EML1: variants seen among roughly 807,000 people sequenced by gnomAD.
The protein encoded by EML1 is EMAP like 1.
In EML1, 27 loss-of-function variants were observed where a neutral mutation model predicts 110.4. The observed-to-expected ratio is 0.24, with a 90% CI of 0.18 to 0.34. The LOEUF (loss-of-function observed/expected upper bound fraction) is 0.34, where lower values mean the gene tolerates loss of function less well. Ranked by LOEUF, EML1 falls within the 10% of genes least tolerant of loss-of-function variation. The pLI, the probability that EML1 is intolerant of heterozygous loss-of-function variation, is 1.00. For missense variants in EML1, 741 were observed against 1,030.9 expected, an observed-to-expected ratio of 0.72 and a Z score of 3.85; for synonymous variants, 344 against 385.8, an observed-to-expected ratio of 0.89 and a Z score of 1.27.
Position 99,855,660 on chromosome 14 carries a change from C to T in EML1, c.250+4625C>T, listed in dbSNP as rs184443294. On this transcript the variant is annotated intron_variant, in intron 2 of 21. Coordinates refer to ENST00000262233, the MANE Select transcript of EML1 (RefSeq NM_004434.3). ...TGCTTGTTTGTTCAGACTAGTTAGGCAGCTTCCCTTTTAAAGTACTTTAAT... is the reference window on the plus strand; with the variant it reads ...TGCTTGTTTGTTCAGACTAGTTAGGTAGCTTCCCTTTTAAAGTACTTTAAT... Among the ~76,000 whole-genome samples the T allele has an allele frequency of 5.3e-5, 8 of 152,326 alleles. No homozygotes were observed. In the East Asian group the frequency reaches 1.5e-3, roughly 29 times the overall value.
intron 10 of EML1, 53 bp downstream of exon 10, chr14:99,907,786 G>A (rs909619128): frequency 5.2e-5 from 82 of 1,571,224 alleles, no homozygotes; most frequent in South Asian, 7.8e-5. Context: ...ATTCAGAGCC[G>A]CCCTGGCATA....
At chr14:99,805,478 C>G (rs2057954321) in intron 1 of EML1, among the ~76,000 whole-genome samples, 1 of 152,004 alleles carries the variant, frequency 6.6e-6, no homozygotes, top group South Asian at 2.1e-4. Context: ...TCTTCTTCTT[C>G]TTTTTTAAAT....
rs1301884385 is a variant in EML1 at position 99,936,586 on chromosome 14, A to G, written c.2095+252A>G. The stretch of plus-strand genomic sequence containing the variant: ...GCCTGCCCCAAGGGGAAGAAGGCCA[A>G]GCCCTGCAGAGGGGGGCTTGGGGCA... On this transcript the variant is annotated intron_variant, in intron 19 of 21. Transcript: ENST00000262233. This position sits in a 1 kb window ranked among gnomAD's most constrained non-coding sequence, Gnocchi z 5.5. Among the ~76,000 whole-genome samples, 2 of 152,154 alleles carry G rather than the reference A, an allele frequency of 1.3e-5. No individual in the cohort carries two copies. The highest frequency in any genetic ancestry group is 2.9e-5 in the Non-Finnish European group (2 of 68,012).
chr14:99,909,296 T>TA, intron 10 of EML1, 49 bp from the exon 11 acceptor site: 4 of 1,613,856 alleles, frequency 2.5e-6, no homozygotes, highest in Non-Finnish European at 3.4e-6. Flanking sequence ...ACATGTCTCT[T>TA]ACGCGTCTTA....
chr14:99,866,485 G>A (rs1032071196), intron 3 of EML1, among the ~76,000 whole-genome samples: 13 of 145,698 alleles, frequency 8.9e-5, no homozygotes, highest in Admixed American at 3.6e-4. Flanking sequence ...CAGGAGAATC[G>A]CTTGAACCTG....
chr14:99,827,557 TAG>T lies in EML1; in HGVS notation c.68-23293_68-23292del, dbSNP rs2058381044. ...CTCAGAGCATGACTATACTTGGAAA[TAG>T]AGTCTTTAAAGAGGTGATTAAGTTA... On this transcript the variant is annotated intron_variant, in intron 1 of 21. Transcript: ENST00000262233. The surrounding 1 kb of genome is among the most constrained non-coding windows in gnomAD (Gnocchi z 4.4). Among the ~76,000 whole-genome samples the T allele has an allele frequency of 1.3e-5, 2 of 151,964 alleles. No homozygotes were observed. Among genetic ancestry groups the T allele is most frequent in the African/African-American group, 4.8e-5 (2 of 41,446 alleles).
At chr14:99,885,964 A>G in intron 4 of EML1, 1 of 445,838 alleles carries the variant, frequency 2.2e-6, no homozygotes. Context: ...TCCTTCCACC[A>G]TGTTAAGCTG....
chr14:99,799,894 A>G lies in EML1; in HGVS notation c.67+6351A>G, dbSNP rs74781038. Among the ~76,000 whole-genome samples the G allele has an allele frequency of 3.1e-3, 466 of 152,356 alleles. 12 individuals carry two copies. In the East Asian group the frequency reaches 0.07, roughly 23 times the overall value. On this transcript the variant is annotated intron_variant, in intron 1 of 21. Transcript: ENST00000262233. ...AACCTTCATCATGGATAACATTGAAAACGGAACATGAAAGCATTGCTCTCT... is the reference window on the plus strand; with the variant it reads ...AACCTTCATCATGGATAACATTGAAGACGGAACATGAAAGCATTGCTCTCT...
At chr14:99,877,968 C>G (rs1003748544) in intron 3 of EML1, among the ~76,000 whole-genome samples, 5 of 152,188 alleles carry the variant, frequency 3.3e-5, no homozygotes, top group African/African-American at 1.2e-4. Flanking sequence ...ACCCATGGGC[C>G]CATGGGCCTT....
chr14:99,830,555 T>A (rs1199349889), intron 1 of EML1, among the ~76,000 whole-genome samples: 1 of 152,062 alleles, frequency 6.6e-6, no homozygotes, highest in Admixed American at 6.5e-5. Flanking sequence ...CCTTTTTGTT[T>A]TTTTTGTTTT....
intron 1 of EML1, among the ~76,000 whole-genome samples, chr14:99,845,063 T>C (rs377442218): frequency 4.6e-5 from 7 of 152,252 alleles, no homozygotes; most frequent in Non-Finnish European, 1.0e-4. Context: ...ATTGGAAATA[T>C]GTGTTTATAA....
rs528131059 is a variant in EML1, at chr14:99,882,907, G to A, written c.518+4288G>A. ...TTTTGTGTTGTGCCCCCTCAACCCC[G>A]GGATCAGACAGCCCCGTAGTACAGC... On this transcript the variant is annotated intron_variant, in intron 4 of 21. Transcript: ENST00000262233. 6.5e-4 allele frequency among the ~76,000 whole-genome samples: 99 copies of A among 152,132 alleles called. 1 individual carries two copies. Among genetic ancestry groups the A allele is most frequent in the Non-Finnish European group, 1.2e-3 (79 of 68,004 alleles).
intron 1 of EML1, among the ~76,000 whole-genome samples, chr14:99,750,670 G>A (rs1425256402): frequency 6.6e-6 from 1 of 152,194 alleles, no homozygotes; most frequent in Non-Finnish European, 1.5e-5. Context: ...CTGAAAAGCA[G>A]AGCTTCTATT....
At chr14:99,872,597 T>G (rs1420170915) in intron 3 of EML1, among the ~76,000 whole-genome samples, 1 of 152,224 alleles carries the variant, frequency 6.6e-6, no homozygotes, top group Non-Finnish European at 1.5e-5. Flanking sequence ...TCATGTATTT[T>G]GGTTCGTTTC....
At chr14:99,823,050 A>G (rs2058290441) in intron 1 of EML1, among the ~76,000 whole-genome samples, 1 of 152,062 alleles carries the variant, frequency 6.6e-6, no homozygotes, top group Non-Finnish European at 1.5e-5. Flanking sequence ...GCCGGGCCCT[A>G]CAGAGCCATC....
At chr14:99,910,381 ATGT>A in intron 12 of EML1, 40 bp downstream of exon 12, 2 of 1,481,690 alleles carry the variant, frequency 1.3e-6, no homozygotes, top group South Asian at 1.2e-5. Flanking sequence ...GTTTTTGGTA[ATGT>A]TGTAAGAGAT....
chr14:99,905,203 T>C lies in EML1; in HGVS notation c.1009-2435T>C, dbSNP rs547185175. Reference sequence around the variant, plus strand: ...CAAGCCACATCATAAAGGAAAATTATCTTTTTCTGTCCTGGCCAGAGCAAA... The same window carrying C: ...CAAGCCACATCATAAAGGAAAATTACCTTTTTCTGTCCTGGCCAGAGCAAA... On this transcript the variant is annotated intron_variant, in intron 9 of 21. Coordinates refer to ENST00000262233, the MANE Select transcript of EML1 (RefSeq NM_004434.3). This position sits in a 1 kb window ranked among gnomAD's most constrained non-coding sequence, Gnocchi z 4.1. 6.6e-6 allele frequency among the ~76,000 whole-genome samples: 1 copy of C among 152,334 alleles called. No homozygotes were observed. Among genetic ancestry groups the C allele is most frequent in the East Asian group, 1.9e-4 (1 of 5,184 alleles).
intron 4 of EML1, among the ~76,000 whole-genome samples, chr14:99,889,968 A>G (rs1484147242): frequency 6.6e-6 from 1 of 152,186 alleles, no homozygotes; most frequent in Non-Finnish European, 1.5e-5. Flanking sequence ...ACCCCACCCC[A>G]TGTGCTGCAG....
chr14:99,804,049 G>A lies in EML1; in HGVS notation c.67+10506G>A, dbSNP rs148548531. Reference sequence around the variant, plus strand: ...AATGATCTGTTAGCTCGGCTTCACCGAATTAGTCCTTTAGAAAGTAATTAA... The same window carrying A: ...AATGATCTGTTAGCTCGGCTTCACCAAATTAGTCCTTTAGAAAGTAATTAA... On this transcript the variant is annotated intron_variant, in intron 1 of 21. Coordinates refer to ENST00000262233, the MANE Select transcript of EML1 (RefSeq NM_004434.3). Among the ~76,000 whole-genome samples the A allele has an allele frequency of 2.0e-5, 3 of 152,336 alleles. No homozygotes were observed. In the East Asian group the frequency reaches 5.8e-4, roughly 29 times the overall value.
Sources: gnomAD v4.1 joint callset for allele counts (sites outside exome capture counted in the v4.1 genomes callset) on GRCh38, gnomAD v4.1.1 for gene constraint, Gnocchi (gnomAD v3.1) non-coding constraint, MANE v1.5 for transcripts, NCBI Gene and HGNC (gene_info 2026-07-23, HGNC 2026-07-21) for gene names.